ZYG11A: variants seen among roughly 807,000 people sequenced by gnomAD.
ZYG11A encodes protein zyg-11 homolog A.
ZYG11A carries 62 observed loss-of-function variants against 77.2 expected under a neutral mutation model. The observed-to-expected ratio is 0.80, with a 90% CI of 0.65 to 0.99. The LOEUF is 0.99. Among genes scored for constraint, ZYG11A ranks in the 50% least tolerant of loss-of-function variants. The pLI is 0.00. For missense variants in ZYG11A, 828 were observed against 896.8 expected, an observed-to-expected ratio of 0.92 and a Z score of 0.98; for synonymous variants, 315 against 324.6, an observed-to-expected ratio of 0.97 and a Z score of 0.32.
intron 2 of ZYG11A, among the ~76,000 whole-genome samples, chr1:52,854,932 A>G (rs752617514): frequency 4.6e-5 from 7 of 151,854 alleles, no homozygotes; most frequent in Admixed American, 1.3e-4. Context: ...TAGTGGCACA[A>G]TCTTTGCTCA....
intron 4 of ZYG11A, among the ~76,000 whole-genome samples, chr1:52,863,488 A>T (rs1180883571): frequency 6.6e-6 from 1 of 151,898 alleles, no homozygotes; most frequent in East Asian, 1.9e-4. Flanking sequence ...GTGCTCTCTC[A>T]ATGAGTTCTT....
At chr1:52,857,804 C>T (rs868831494) in intron 3 of ZYG11A, 55 bp downstream of exon 3, 32 of 1,450,846 alleles carry the variant, frequency 2.2e-5, no homozygotes, top group Middle Eastern at 1.8e-4. Context: ...TTATTAAACT[C>T]GTGCTATAGA....
intron 10 of ZYG11A, among the ~76,000 whole-genome samples, chr1:52,879,330 T>A (rs1216897958): frequency 6.6e-6 from 1 of 152,196 alleles, no homozygotes. Flanking sequence ...AACTGACAAG[T>A]GAGTGCTGCA....
At chr1:52,868,751 C>T (rs761952167) in intron 8 of ZYG11A, among the ~76,000 whole-genome samples, 8 of 152,188 alleles carry the variant, frequency 5.3e-5, no homozygotes, top group Admixed American at 5.2e-4. Flanking sequence ...CGCACAGGTG[C>T]ACTCCAGCCT....
At chr1:52,881,848 C>T (rs150123910) in intron 11 of ZYG11A, 183 bp downstream of exon 11, 61 of 470,822 alleles carry the variant, frequency 1.3e-4, no homozygotes, top group African/African-American at 1.0e-3. Context: ...TGACTTACTT[C>T]GGTCCTCTTT....
chr1:52,867,448 T>C (rs1646046688), intron 6 of ZYG11A, 91 bp from the exon 7 acceptor site: 4 of 854,604 alleles, frequency 4.7e-6, no homozygotes, highest in Non-Finnish European at 7.4e-6. Context: ...GTTTTCATTA[T>C]AGGATTACTT....
chr1:52,860,034 T>G (rs12097592), intron 3 of ZYG11A, among the ~76,000 whole-genome samples: 2,820 of 152,276 alleles, frequency 0.019, 60 homozygotes, highest in African/African-American at 0.063. Flanking sequence ...TAATGTGACT[T>G]CTTCAACTGT....
intron 8 of ZYG11A, among the ~76,000 whole-genome samples, chr1:52,871,734 C>A (rs949553992): frequency 2.0e-5 from 3 of 152,136 alleles, no homozygotes; most frequent in African/African-American, 7.2e-5. Context: ...AAGATCTGTC[C>A]TCGGATTTCT....
chr1:52,854,128 TGTA>T, intron 1 of ZYG11A, among the ~76,000 whole-genome samples: 1 of 152,268 alleles, frequency 6.6e-6, no homozygotes, highest in African/African-American at 2.4e-5. Flanking sequence ...AGAAATGATT[TGTA>T]GTATATGAGA....
intron 3 of ZYG11A, among the ~76,000 whole-genome samples, chr1:52,859,537 G>A (rs922847242): frequency 1.1e-4 from 17 of 151,190 alleles, no homozygotes; most frequent in East Asian, 9.8e-4. Flanking sequence ...GTGTTTCACC[G>A]TGTTAGCCAG....
At chr1:52,885,926 T>A in intron 12 of ZYG11A, 32 bp downstream of exon 12, 3 of 1,475,102 alleles carry the variant, frequency 2.0e-6, no homozygotes, top group Non-Finnish European at 2.7e-6. Context: ...TTTCTTCTTT[T>A]TTTTTTCTTC....
chr1:52,842,875 G>T lies in ZYG11A; in HGVS notation c.-9G>T, dbSNP rs1298723100. On this transcript the variant is annotated 5_prime_UTR_variant, in exon 1 of 14. Transcript: ENST00000371528. ...GCTCTCTTTTTGACGCCCCGCCGCC[G>T]GGGTTGCCATGGTTCATTTCTTGCA... is the stretch of plus-strand genomic sequence containing the variant. The T allele has an allele frequency of 1.3e-6, 2 of 1,529,310 alleles. No homozygotes were observed. The highest frequency in any genetic ancestry group is 1.8e-6 in the Non-Finnish European group (2 of 1,137,798). 94.7% of individuals were successfully genotyped at this position (1,529,310 alleles called of 1,614,324 possible).
intron 10 of ZYG11A, chr1:52,881,216 T>C (rs1646356240): frequency 3.7e-6 from 1 of 269,950 alleles, no homozygotes; most frequent in Non-Finnish European, 7.0e-6. Flanking sequence ...TGAGATAAGG[T>C]AGATAAAAAG....
At chr1:52,861,668 C>T (rs1391623452) in intron 4 of ZYG11A, among the ~76,000 whole-genome samples, 1 of 151,714 alleles carries the variant, frequency 6.6e-6, no homozygotes, top group Non-Finnish European at 1.5e-5. Flanking sequence ...TGTGCCATTG[C>T]ACTCCCTCCT....
At chr1:52,848,408 A>T (rs1444446978) in intron 1 of ZYG11A, among the ~76,000 whole-genome samples, 1 of 152,030 alleles carries the variant, frequency 6.6e-6, no homozygotes, top group African/African-American at 2.4e-5. Context: ...GAAGTTTCCC[A>T]TATTGTGCTT....
chr1:52,877,869 T>C, intron 9 of ZYG11A, 26 bp downstream of exon 9: 1 of 1,550,974 alleles, frequency 6.4e-7, no homozygotes, highest in Non-Finnish European at 8.7e-7. Flanking sequence ...TGAGTTTATA[T>C]GTAAAGTTCT....
In ZYG11A at chr1:52,842,808, C is replaced by A; in HGVS notation, c.-76C>A. 7.1e-7 allele frequency: 1 copy of A among 1,409,680 alleles called. No homozygotes were observed. Among genetic ancestry groups the A allele is most frequent in the Non-Finnish European group, 9.6e-7 (1 of 1,042,924 alleles). 87.3% of individuals were successfully genotyped at this position (1,409,680 alleles called of 1,614,324 possible). A position where few individuals can be genotyped will look rare whatever the true frequency, so the allele number is the denominator to read the frequency against. Reference sequence around the variant, plus strand: ...CGTGGTGGGCGCGTCCTGGCAGCCGCCCGCTTGGTTCTCGCGGGATCCGGG... The same window carrying A: ...CGTGGTGGGCGCGTCCTGGCAGCCGACCGCTTGGTTCTCGCGGGATCCGGG... On this transcript the variant is annotated 5_prime_UTR_variant, in exon 1 of 14. Coordinates refer to ENST00000371528, the MANE Select transcript of ZYG11A (RefSeq NM_001004339.3).
intron 6 of ZYG11A, among the ~76,000 whole-genome samples, chr1:52,867,168 T>C (rs1482180207): frequency 6.6e-6 from 1 of 152,232 alleles, no homozygotes; most frequent in African/African-American, 2.4e-5. Context: ...TCAGTCACTT[T>C]GTAACTGAGT....
chr1:52,846,342 A>C (rs750525106), intron 1 of ZYG11A, among the ~76,000 whole-genome samples: 3,649 of 103,898 alleles, frequency 0.035, 242 homozygotes, highest in African/African-American at 0.048. Flanking sequence ...ATATATATAT[A>C]TATATATATA....
Sources: allele counts gnomAD v4.1 joint callset (sites outside exome capture counted in the v4.1 genomes callset), GRCh38; gene constraint gnomAD v4.1.1; transcripts MANE v1.5; gene names NCBI Gene and HGNC (gene_info 2026-07-23, HGNC 2026-07-21).